The following SGF29 variants were observed in gnomAD, a reference collection of about 807,000 sequenced individuals.
SGF29 encodes the protein SAGA complex associated factor 29.
SGF29 carries 15 observed loss-of-function variants against 38.1 expected under a neutral mutation model. That is an observed-to-expected ratio of 0.39 (90% CI 0.26 to 0.61). The LOEUF is 0.61. Among genes scored for constraint, SGF29 ranks in the 20% least tolerant of loss-of-function variants. SGF29 has a pLI of 0.49. For missense variants in SGF29, 184 were observed against 394.6 expected (o/e 0.47, Z 4.52); for synonymous variants, 151 against 160.8 (o/e 0.94, Z 0.46).
chr16:28,566,965 C>A (rs192957128), intron 1 of SGF29, among the ~76,000 whole-genome samples: 146 of 152,208 alleles, frequency 9.6e-4, no homozygotes, highest in Non-Finnish European at 1.8e-3. Flanking sequence ...CCACCGTACC[C>A]CACCAGTTAA....
At chr16:28,570,544 TTTTATTTATTTA>T (rs61126025) in intron 1 of SGF29, among the ~76,000 whole-genome samples, 15,306 of 137,590 alleles carry the variant, frequency 0.11, 921 homozygotes, top group Middle Eastern at 0.19. Context: ...TTTTTTTAAA[TTTTATTTATTTA>T]TTTATTTATT....
intron 1 of SGF29, among the ~76,000 whole-genome samples, chr16:28,568,789 T>A (rs1380056367): frequency 1.3e-5 from 2 of 152,052 alleles, no homozygotes; most frequent in African/African-American, 4.8e-5. Context: ...GGTTTGTGCC[T>A]GCAATCTCAG....
chr16:28,574,673 C>T (rs1323933639), intron 1 of SGF29, among the ~76,000 whole-genome samples: 1 of 152,220 alleles, frequency 6.6e-6, no homozygotes, highest in African/African-American at 2.4e-5. Context: ...TGCCAAGCCA[C>T]ACCTTCCCTG....
chr16:28,585,083 G>A, intron 3 of SGF29, 95 bp downstream of exon 3: 1 of 952,706 alleles, frequency 1.0e-6, no homozygotes, highest in South Asian at 1.4e-5. Context: ...ATTCAAAATA[G>A]ATTTGCATGT....
intron 1 of SGF29, among the ~76,000 whole-genome samples, chr16:28,557,546 A>T (rs1352169764): frequency 6.6e-6 from 1 of 152,196 alleles, no homozygotes; most frequent in African/African-American, 2.4e-5. Flanking sequence ...AATGGAACCC[A>T]AGGAGGGAGT....
intron 1 of SGF29, among the ~76,000 whole-genome samples, chr16:28,567,680 G>C (rs1188373963): frequency 1.3e-5 from 2 of 152,208 alleles, no homozygotes; most frequent in African/African-American, 4.8e-5. Flanking sequence ...AGTCTTCTTA[G>C]AGATGCCCTA....
At position 28,564,743 on chromosome 16, in the gene SGF29, ATG is replaced by A. The variant is rs1491272681; in HGVS notation, c.-16+10648_-16+10649del. Among the ~76,000 whole-genome samples, 44 of 6,648 alleles carry A rather than the reference ATG, an allele frequency of 6.6e-3. 1 individual carries two copies. Among genetic ancestry groups the A allele is most frequent in the Middle Eastern group, 0.071 (1 of 14 alleles). 4.4% of individuals were successfully genotyped at this position (6,648 alleles called of 152,430 possible). Reference sequence around the variant, plus strand: ...TATATATATACATATATATGTATATATGTATATATATGTATATATGTATATAT... The same window carrying A: ...TATATATATACATATATATGTATATATATATATATGTATATATGTATATAT... On this transcript the variant is annotated intron_variant, in intron 1 of 9. Transcript: ENST00000317058.
chr16:28,566,734 A>G (rs1279705213), intron 1 of SGF29, among the ~76,000 whole-genome samples: 2 of 151,412 alleles, frequency 1.3e-5, no homozygotes, highest in African/African-American at 4.8e-5. Flanking sequence ...GCAGTGAGCC[A>G]AGATTGCACC....
chr16:28,561,758 T>C (rs2046791562), intron 1 of SGF29, among the ~76,000 whole-genome samples: 2 of 152,168 alleles, frequency 1.3e-5, no homozygotes, highest in African/African-American at 2.4e-5. Flanking sequence ...TAAGATTAGC[T>C]GGCACCCTCG....
intron 1 of SGF29, among the ~76,000 whole-genome samples, chr16:28,562,968 A>G (rs756515877): frequency 7.3e-5 from 11 of 150,958 alleles, no homozygotes; most frequent in Non-Finnish European, 3.0e-5. Flanking sequence ...AAGTCTGAGT[A>G]GAAGACTCTT....
At chr16:28,564,706 TACA>T (rs2046820868) in intron 1 of SGF29, among the ~76,000 whole-genome samples, 1 of 74,970 alleles carries the variant, frequency 1.3e-5, no homozygotes, top group Non-Finnish European at 2.7e-5. Flanking sequence ...TGTATATATA[TACA>T]TATATATGTA....
chr16:28,587,853 G>A (rs1486804832), intron 4 of SGF29, among the ~76,000 whole-genome samples: 1 of 152,176 alleles, frequency 6.6e-6, no homozygotes, highest in Non-Finnish European at 1.5e-5. Flanking sequence ...AGGCTGGAGT[G>A]CAGTGACACA....
intron 1 of SGF29, among the ~76,000 whole-genome samples, chr16:28,555,884 A>C (rs2046747835): frequency 6.6e-6 from 1 of 152,174 alleles, no homozygotes; most frequent in African/African-American, 2.4e-5. Context: ...TTTACTATTG[A>C]ATATGCTGAA....
intron 1 of SGF29, among the ~76,000 whole-genome samples, chr16:28,564,666 C>CATATATGT (rs1555474841): frequency 0.13 from 7,687 of 59,720 alleles, 1,218 homozygotes; most frequent in Middle Eastern, 0.22. Flanking sequence ...TATATATATG[C>CATATATGT]ATATATATGT....
intron 2 of SGF29, among the ~76,000 whole-genome samples, chr16:28,582,279 T>A (rs1195477040): frequency 2.0e-5 from 3 of 152,152 alleles, no homozygotes; most frequent in Non-Finnish European, 4.4e-5. Context: ...AGTGAAAGGA[T>A]GAGCGGTAGC....
intron 1 of SGF29, among the ~76,000 whole-genome samples, chr16:28,564,688 T>TATATATGTATATATATAC (rs2046819590): frequency 5.3e-5 from 4 of 75,448 alleles, no homozygotes; most frequent in African/African-American, 1.7e-4. Flanking sequence ...TATATATGTG[T>TATATATGTATATATATAC]ATATATATGT....
At position 28,590,291 on chromosome 16, in the gene SGF29, C is replaced by T; in HGVS notation, c.420-5C>T. 6.2e-7 allele frequency: 1 copy of T among 1,608,426 alleles called. No individual in the cohort carries two copies. Among genetic ancestry groups the T allele is most frequent in the Non-Finnish European group, 8.5e-7 (1 of 1,177,618 alleles). ...GCTGGGACTGACCCTTTGTTCCACT[C>T]ACAGGCCCCCACCCCTCTGTGGGGC... On this transcript the variant is annotated splice_region_variant and splice_polypyrimidine_tract_variant and intron_variant, in intron 6 of 9. Coordinates refer to ENST00000317058, the MANE Select transcript of SGF29 (RefSeq NM_138414.3). This position sits in a 1 kb window ranked among gnomAD's most constrained non-coding sequence, Gnocchi z 8.2.
intron 1 of SGF29, among the ~76,000 whole-genome samples, chr16:28,573,483 G>C (rs1366209453): frequency 6.6e-6 from 1 of 152,198 alleles, no homozygotes; most frequent in Non-Finnish European, 1.5e-5. Context: ...AGCAGCACCG[G>C]ATCCCTGCAC....
At chr16:28,585,935 C>A (rs1435264191) in intron 4 of SGF29, among the ~76,000 whole-genome samples, 2 of 152,318 alleles carry the variant, frequency 1.3e-5, no homozygotes, top group East Asian at 3.9e-4. Context: ...GGTGGCAAGG[C>A]GTGAGTCAAC....
Sources: gnomAD v4.1 joint callset for allele counts (sites outside exome capture counted in the v4.1 genomes callset) on GRCh38, gnomAD v4.1.1 for gene constraint, Gnocchi (gnomAD v3.1) non-coding constraint, MANE v1.5 for transcripts, NCBI Gene and HGNC (gene_info 2026-07-23, HGNC 2026-07-21) for gene names.